Variants in CDH23 observed in about 807,000 individuals in gnomAD.
The protein encoded by CDH23 is cadherin related 23.
In CDH23, 189 loss-of-function variants were observed where a neutral mutation model predicts 317.1. That is an observed-to-expected ratio of 0.60 (90% CI 0.53 to 0.67). The LOEUF (loss-of-function observed/expected upper bound fraction) is 0.67, where lower values mean the gene tolerates loss of function less well. CDH23 is among the 30% of genes least tolerant of loss of function. The pLI, the probability that CDH23 is intolerant of heterozygous loss-of-function variation, is 0.00. For synonymous variants in CDH23, 1,839 were observed against 1,876.8 expected (o/e 0.98, Z 0.52); for missense variants, 4,401 against 4,592.4 (o/e 0.96, Z 1.20).
intron 11 of CDH23, among the ~76,000 whole-genome samples, 177 bp from the exon 12 acceptor site, chr10:71,643,684 G>C (rs1466237333): frequency 6.6e-6 from 1 of 152,178 alleles, no homozygotes; most frequent in Non-Finnish European, 1.5e-5. Context: ...CCAGACCCCA[G>C]AAGCTATGGC....
chr10:71,778,572 G>A (rs1245390501), intron 40 of CDH23, among the ~76,000 whole-genome samples: 1 of 152,120 alleles, frequency 6.6e-6, no homozygotes, highest in Non-Finnish European at 1.5e-5. Flanking sequence ...TGAACTCTGG[G>A]TTTCAAGTCC....
chr10:71,566,795 G>A lies in CDH23; in HGVS notation c.483G>A (p.Leu161=), dbSNP rs1857429138. 2 of 1,612,754 alleles carry A rather than the reference G, an allele frequency of 1.2e-6. No individual in the cohort carries two copies. Among genetic ancestry groups the A allele is most frequent in the African/African-American group, 1.3e-5 (1 of 74,890 alleles). Reference sequence around the variant, plus strand: ...TCGTGAATGCCACAGACCCCGACTTGGGGGCAGGGGGCAGCGTCCTCTACT... The same window carrying A: ...TCGTGAATGCCACAGACCCCGACTTAGGGGCAGGGGGCAGCGTCCTCTACT... The part of the protein sequence containing the change: ...IFIVNATDPD[L]GAGGSVLYSF... The change falls in exon 7 of 70, where the codon TTG becomes TTA. Residue 161 remains leucine, a synonymous_variant. Coordinates refer to ENST00000224721, the MANE Select transcript of CDH23 (RefSeq NM_022124.6).
intron 14 of CDH23, among the ~76,000 whole-genome samples, chr10:71,655,326 G>A (rs573676542): frequency 2.3e-4 from 35 of 152,084 alleles, no homozygotes; most frequent in African/African-American, 7.7e-4. Flanking sequence ...CTTCTCTCCT[G>A]CCCACTCAGA....
intron 3 of CDH23, among the ~76,000 whole-genome samples, chr10:71,455,622 G>A (rs369997662): frequency 1.2e-4 from 18 of 152,280 alleles, no homozygotes; most frequent in African/African-American, 3.1e-4. Context: ...ATTCTAGAGC[G>A]GGGAGCAGGC....
chr10:71,533,809 G>A (rs900355185), intron 6 of CDH23, among the ~76,000 whole-genome samples: 2 of 152,018 alleles, frequency 1.3e-5, no homozygotes, highest in Admixed American at 6.5e-5. Flanking sequence ...AGAGCAAGAC[G>A]TGCAAATAAA....
At chr10:71,403,386 TC>T (rs1847903015) in intron 1 of CDH23, among the ~76,000 whole-genome samples, 1 of 118,546 alleles carries the variant, frequency 8.4e-6, no homozygotes. Flanking sequence ...TTTCTTTCTT[TC>T]TTTCTTTCTT....
chr10:71,581,438 C>T (rs1442117885), intron 9 of CDH23, among the ~76,000 whole-genome samples: 1 of 152,208 alleles, frequency 6.6e-6, no homozygotes, highest in Non-Finnish European at 1.5e-5. Context: ...CCTGAGCCCA[C>T]AATGGATCCG....
chr10:71,516,651 C>T (rs917388741), intron 6 of CDH23, among the ~76,000 whole-genome samples: 4 of 152,178 alleles, frequency 2.6e-5, no homozygotes, highest in African/African-American at 9.7e-5. Flanking sequence ...GGAGCCCTCA[C>T]CACCACCTCC....
intron 14 of CDH23, among the ~76,000 whole-genome samples, chr10:71,656,259 G>A (rs1301575833): frequency 6.6e-6 from 1 of 152,218 alleles, no homozygotes; most frequent in African/African-American, 2.4e-5. Context: ...CTGCCTCTCA[G>A]TCTGGCCCTG....
intron 3 of CDH23, among the ~76,000 whole-genome samples, chr10:71,463,840 G>A (rs1005870042): frequency 6.6e-6 from 1 of 152,074 alleles, no homozygotes; most frequent in Non-Finnish European, 1.5e-5. Context: ...TCAAAACCTA[G>A]GCCTGCTGGG....
chr10:71,398,821 G>A (rs1444618631), intron 1 of CDH23, among the ~76,000 whole-genome samples: 1 of 152,154 alleles, frequency 6.6e-6, no homozygotes, highest in African/African-American at 2.4e-5. Flanking sequence ...GAGTTGGGAA[G>A]GTGGCACACA....
rs1375225680 is a variant in CDH23 at position 71,812,818 on chromosome 10, C to T, written c.9561C>T (p.Tyr3187=). The change falls in exon 68 of 70, where the codon TAC becomes TAT. Residue 3187 remains tyrosine (Y), a synonymous_variant. Coordinates refer to ENST00000224721, the MANE Select transcript of CDH23 (RefSeq NM_022124.6). ...PAAVKPDDDR[Y]LRAAIQEYDN... is the part of the protein sequence containing the mutation. The stretch of plus-strand genomic sequence containing the variant: ...CTGTCAAGCCTGATGATGACCGATA[C>T]CTGCGGGCTGCCATCCAGGAGTATG... The T allele has an allele frequency of 6.2e-7, 1 of 1,613,592 alleles. No homozygotes were observed. Among genetic ancestry groups the T allele is most frequent in the South Asian group, 1.1e-5 (1 of 90,966 alleles).
At position 71,418,902 on chromosome 10, in the gene CDH23, A is replaced by G. The variant is rs774411493; in HGVS notation, c.-5-20925A>G. 2.6e-5 allele frequency among the ~76,000 whole-genome samples: 4 copies of G among 152,220 alleles called. No homozygotes were observed. In the East Asian group the frequency reaches 7.7e-4, roughly 29 times the overall value. On this transcript the variant is annotated intron_variant, in intron 1 of 69. Coordinates refer to ENST00000224721, the MANE Select transcript of CDH23 (RefSeq NM_022124.6). ...CTTTATCTGTGAAATGGGTATAGTAATAATTGCATCCTCCTCATCAGATGG... is the reference window on the plus strand; with the variant it reads ...CTTTATCTGTGAAATGGGTATAGTAGTAATTGCATCCTCCTCATCAGATGG...
At chr10:71,573,563 G>A (rs10823787) in intron 8 of CDH23, among the ~76,000 whole-genome samples, 16,869 of 152,188 alleles carry the variant, frequency 0.11, 1,121 homozygotes, top group East Asian at 0.27. Context: ...CTTAGCTTCC[G>A]GTCTCCTGAT....
At chr10:71,639,323 C>T (rs539054867) in intron 11 of CDH23, among the ~76,000 whole-genome samples, 4 of 152,336 alleles carry the variant, frequency 2.6e-5, no homozygotes, top group African/African-American at 9.6e-5. Context: ...CGCATCTCCA[C>T]CCCATGAAGG....
Position 71,707,216 on chromosome 10 carries a change from G to A in CDH23, c.3106+167G>A. ...GGTGCCTCCCGAGGATTTGCTCCTG[G>A]CTCTTCCCAAGGGCTTTGCAGCTGG... On this transcript the variant is annotated intron_variant, in intron 26 of 69. Coordinates refer to ENST00000224721, the MANE Select transcript of CDH23 (RefSeq NM_022124.6). 4.7e-6 allele frequency: 7 copies of A among 1,492,476 alleles called. No homozygotes were observed. The Admixed American group carries it at 8.4e-5, about 18-fold the overall frequency. 92.5% of individuals were successfully genotyped at this position (1,492,476 alleles called of 1,614,324 possible).
At chr10:71,599,798 G>A (rs2132471672) in intron 9 of CDH23, among the ~76,000 whole-genome samples, 1 of 152,298 alleles carries the variant, frequency 6.6e-6, no homozygotes, top group South Asian at 2.1e-4. Flanking sequence ...CGTGCTGTGT[G>A]TTGTTGACCA....
chr10:71,589,506 CCCCA>C (rs1859322104), intron 9 of CDH23, among the ~76,000 whole-genome samples: 1 of 152,216 alleles, frequency 6.6e-6, no homozygotes, highest in Non-Finnish European at 1.5e-5. Flanking sequence ...TTAAAGCCCA[CCCCA>C]CCCATTCCCC....
chr10:71,738,347 A>G, intron 34 of CDH23, 151 bp from the exon 35 acceptor site: 1 of 858,314 alleles, frequency 1.2e-6, no homozygotes, highest in East Asian at 2.6e-5. Flanking sequence ...TCCTTTGTAA[A>G]GTCAGGATAG....
Sources: gnomAD v4.1 joint callset for allele counts (sites outside exome capture counted in the v4.1 genomes callset) on GRCh38, gnomAD v4.1.1 for gene constraint, MANE v1.5 for transcripts, NCBI Gene and HGNC (gene_info 2026-07-23, HGNC 2026-07-21) for gene names.